ERAP1: variants seen among roughly 807,000 people sequenced by gnomAD.
ERAP1 encodes endoplasmic reticulum aminopeptidase 1.
A neutral mutation model predicts 103.7 loss-of-function variants in ERAP1; 86 were observed. The ratio of observed to expected loss-of-function variants is 0.83; its 90% CI spans 0.70 to 0.99. ERAP1 has a LOEUF of 0.99. Among genes scored for constraint, ERAP1 ranks in the 50% least tolerant of loss-of-function variants. The pLI, the probability that ERAP1 is intolerant of heterozygous loss-of-function variation, is 0.00. For missense variants in ERAP1, 1,009 were observed against 1,128.4 expected (o/e 0.89, Z 1.52); for synonymous variants, 398 against 402.4 (o/e 0.99, Z 0.13).
chr5:96,900,954 G>A, the ERAP1 span, among the ~76,000 whole-genome samples: 1 of 152,076 alleles, frequency 6.6e-6, no homozygotes, highest in Non-Finnish European at 1.5e-5. Context: ...CATGATCCAC[G>A]GCGCCTGGCC....
the ERAP1 span, among the ~76,000 whole-genome samples, chr5:96,921,268 C>T: frequency 2.6e-5 from 4 of 152,236 alleles, no homozygotes; most frequent in Non-Finnish European, 5.9e-5. Context: ...AAGAGTATTC[C>T]TTACTAACTT....
the ERAP1 span, chr5:96,879,863 G>A: frequency 6.2e-7 from 1 of 1,614,162 alleles, no homozygotes; most frequent in South Asian, 1.1e-5. Flanking sequence ...CACTAATGGG[G>A]AACGATTTCC....
the ERAP1 span, chr5:96,876,109 T>G: frequency 6.6e-6 from 1 of 152,390 alleles, no homozygotes; most frequent in African/African-American, 2.4e-5. Flanking sequence ...GGAGTTACGT[T>G]TGTGGGGTGG....
the ERAP1 span, among the ~76,000 whole-genome samples, chr5:96,924,925 A>G: frequency 2.0e-5 from 3 of 152,068 alleles, no homozygotes; most frequent in South Asian, 2.1e-4. Context: ...TGTTTTTTCT[A>G]TCTTCTGACT....
At chr5:96,898,500 G>T in the ERAP1 span, among the ~76,000 whole-genome samples, 3 of 149,868 alleles carry the variant, frequency 2.0e-5, no homozygotes, top group Non-Finnish European at 4.4e-5. Flanking sequence ...CCATCACTTT[G>T]GGAGACCGAG....
the ERAP1 span, chr5:96,895,239 CTCCT>C: frequency 6.4e-7 from 1 of 1,550,686 alleles, no homozygotes; most frequent in South Asian, 1.2e-5. Context: ...GAGTTTTTAC[CTCCT>C]AGTGGTTTGG....
chr5:96,891,935 C>A, the ERAP1 span, among the ~76,000 whole-genome samples: 72 of 151,966 alleles, frequency 4.7e-4, 1 homozygote, highest in African/African-American at 1.7e-3. Flanking sequence ...TATTTGATAC[C>A]CTTTTTAAAG....
In ERAP1 at chr5:96,785,808, G is replaced by T. The variant is rs776379949; in HGVS notation, c.1923C>A (p.Asn641Lys). ...ATTACCTGACGAGCTGAAATGCATT[G>T]TTAATGAGACTCGCCCGATCATTAC... is the stretch of plus-strand genomic sequence containing the variant. The part of the protein sequence containing the change: ...VSSNDRASLI[N>K]NAFQLVSIGK... The change falls in exon 13 of 19, where the codon AAC becomes AAA. Residue 641 changes from asparagine (N) to lysine (K), a missense_variant. Asn to Lys is a moderately conservative substitution (Grantham distance 94, BLOSUM62 0). This residue lies in a region of ERAP1 where 611 missense variants were observed against 651.7 expected (regional missense o/e 0.94). Coordinates refer to ENST00000443439, the MANE Select transcript of ERAP1 (RefSeq NM_001040458.3). The T allele has an allele frequency of 2.5e-6, 4 of 1,614,114 alleles. No individual in the cohort carries two copies. Among genetic ancestry groups the T allele is most frequent in the Non-Finnish European group, 3.4e-6 (4 of 1,179,994 alleles).
the ERAP1 span, among the ~76,000 whole-genome samples, chr5:96,913,631 G>A: frequency 1.3e-5 from 2 of 152,208 alleles, no homozygotes; most frequent in African/African-American, 4.8e-5. Context: ...CCAGGAGTAA[G>A]GGAGAGACAT....
At chr5:96,849,233 C>A in the ERAP1 span, among the ~76,000 whole-genome samples, 1 of 152,258 alleles carries the variant, frequency 6.6e-6, no homozygotes, top group Non-Finnish European at 1.5e-5. Flanking sequence ...CTACTTTCAC[C>A]ACTTTTATTT....
chr5:96,917,644 C>T, the ERAP1 span: 35 of 1,547,436 alleles, frequency 2.3e-5, no homozygotes, highest in South Asian at 1.0e-4. Context: ...CGGTGGCTCA[C>T]GCCTGTAATC....
chr5:96,836,870 A>T, the ERAP1 span, among the ~76,000 whole-genome samples: 1 of 152,242 alleles, frequency 6.6e-6, no homozygotes, highest in Non-Finnish European at 1.5e-5. Context: ...TGTTTTGATT[A>T]ATTGGGTATC....
the ERAP1 span, among the ~76,000 whole-genome samples, chr5:96,851,608 G>T: frequency 1.3e-5 from 2 of 152,244 alleles, no homozygotes; most frequent in African/African-American, 4.8e-5. Flanking sequence ...CTATAGGCAT[G>T]ACACAGCAAA....
chr5:96,889,914 T>C, the ERAP1 span, among the ~76,000 whole-genome samples: 3 of 152,090 alleles, frequency 2.0e-5, no homozygotes, highest in Non-Finnish European at 4.4e-5. Context: ...CCATACCTTA[T>C]TTGTACAAGG....
At chr5:96,846,598 A>G in the ERAP1 span, among the ~76,000 whole-genome samples, 144 of 150,564 alleles carry the variant, frequency 9.6e-4, 1 homozygote, top group African/African-American at 3.4e-3. Flanking sequence ...GGTCTGAGAT[A>G]GGGCATGAGT....
At chr5:96,823,533 A>C in the ERAP1 span, among the ~76,000 whole-genome samples, 2 of 152,114 alleles carry the variant, frequency 1.3e-5, no homozygotes, top group Non-Finnish European at 2.9e-5. Flanking sequence ...AATGGGCAAA[A>C]ATCTTCATCC....
intron 6 of ERAP1, 123 bp from the exon 7 acceptor site, chr5:96,793,636 A>T: frequency 9.0e-7 from 1 of 1,107,552 alleles, no homozygotes. Flanking sequence ...AGGTAAAAAT[A>T]AAAAAAGTTC....
the ERAP1 span, chr5:96,912,530 A>T: frequency 2.9e-6 from 2 of 681,026 alleles, no homozygotes; most frequent in Non-Finnish European, 4.8e-6. Flanking sequence ...TACATTGAGT[A>T]CTGAAAGCAG....
In ERAP1 at chr5:96,793,910, C is replaced by T; in HGVS notation, c.967G>A (p.Gly323Arg). Reference protein sequence around the residue: ...DFQSGAMENWGLTTYRESALL... With the variant: ...DFQSGAMENWRLTTYRESALL... ...GCAGATTCTCTATATGTTGTCAGTCCCCAGTTTTCCATAGCACCAGACTGA... is the reference window on the plus strand; with the variant it reads ...GCAGATTCTCTATATGTTGTCAGTCTCCAGTTTTCCATAGCACCAGACTGA... The change falls in exon 6 of 19, where the codon GGA (glycine) becomes AGA (arginine). Residue 323 changes from glycine (G) to arginine (R), a missense_variant. This residue lies in a region of ERAP1 where 392 missense variants were observed against 455.2 expected (regional missense o/e 0.86). Coordinates refer to ENST00000443439, the MANE Select transcript of ERAP1 (RefSeq NM_001040458.3). 2 of 1,614,068 alleles carry T rather than the reference C, an allele frequency of 1.2e-6. No individual in the cohort carries two copies. The highest frequency in any genetic ancestry group is 1.3e-5 in the African/African-American group (1 of 75,018).
Sources: gnomAD v4.1 joint callset for allele counts (sites outside exome capture counted in the v4.1 genomes callset) on GRCh38, gnomAD v4.1.1 for gene constraint, gnomAD v4.1.1 regional missense constraint, MANE v1.5 for transcripts, NCBI Gene and HGNC (gene_info 2026-07-23, HGNC 2026-07-21) for gene names.